The following LYN variants were observed in gnomAD, a reference collection of about 807,000 sequenced individuals.
LYN encodes the protein tyrosine-protein kinase Lyn.
A neutral mutation model predicts 65.0 loss-of-function variants in LYN; 12 were observed. That is an observed-to-expected ratio of 0.18 (90% CI 0.12 to 0.30). LYN has a LOEUF of 0.30. Ranked by LOEUF, LYN falls within the 10% of genes least tolerant of loss-of-function variation. The pLI, the probability that LYN is intolerant of heterozygous loss-of-function variation, is 1.00. For missense variants in LYN, 380 were observed against 623.2 expected, an observed-to-expected ratio of 0.61 and a Z score of 4.16; for synonymous variants, 222 against 221.2, an observed-to-expected ratio of 1.00 and a Z score of -0.03.
chr8:55,895,993 T>C (rs1030382799), intron 1 of LYN, among the ~76,000 whole-genome samples: 1 of 152,162 alleles, frequency 6.6e-6, no homozygotes, highest in Non-Finnish European at 1.5e-5. Context: ...TTGGTGTACA[T>C]ACCAGGTGCA....
chr8:55,925,663 C>T (rs767899958), intron 1 of LYN, among the ~76,000 whole-genome samples: 2 of 152,102 alleles, frequency 1.3e-5, no homozygotes, highest in African/African-American at 4.8e-5. Flanking sequence ...GCAGGCCGCC[C>T]GTGACACCAA....
At chr8:56,004,439 G>T (rs1391750126) in intron 12 of LYN, among the ~76,000 whole-genome samples, 1 of 151,362 alleles carries the variant, frequency 6.6e-6, no homozygotes, top group East Asian at 2.0e-4. Flanking sequence ...GACTACAGGT[G>T]TGCACCACAA....
chr8:56,001,213 G>A (rs561021992), intron 12 of LYN, among the ~76,000 whole-genome samples: 210 of 152,256 alleles, frequency 1.4e-3, no homozygotes, highest in Non-Finnish European at 2.7e-3. Flanking sequence ...AGCGTGGTTT[G>A]GGCCTCTGTG....
intron 8 of LYN, among the ~76,000 whole-genome samples, chr8:55,965,242 C>G (rs1807415007): frequency 6.6e-6 from 1 of 152,158 alleles, no homozygotes; most frequent in African/African-American, 2.4e-5. Context: ...GAGCGTGTTC[C>G]ATGCGGTGTA....
chr8:55,887,575 T>TGCAC (rs1554573194), intron 1 of LYN, among the ~76,000 whole-genome samples: 3 of 93,436 alleles, frequency 3.2e-5, no homozygotes, highest in Non-Finnish European at 6.3e-5. Context: ...TATATATATA[T>TGCAC]ACACACACAC....
intron 1 of LYN, among the ~76,000 whole-genome samples, chr8:55,937,986 C>G (rs1291072823): frequency 6.6e-6 from 1 of 152,144 alleles, no homozygotes; most frequent in Non-Finnish European, 1.5e-5. Context: ...TGTGAGCCAC[C>G]ACACCTGGCC....
chr8:55,911,090 T>G (rs56399348), intron 1 of LYN, among the ~76,000 whole-genome samples: 746 of 8,368 alleles, frequency 0.089, 7 homozygotes, highest in East Asian at 0.12. Context: ...TACATATATA[T>G]ATATATATAC....
At chr8:55,933,549 G>A (rs1322610021) in intron 1 of LYN, among the ~76,000 whole-genome samples, 1 of 152,202 alleles carries the variant, frequency 6.6e-6, no homozygotes, top group Non-Finnish European at 1.5e-5. Flanking sequence ...TCAAGTTAAA[G>A]ATTGTATCAC....
At chr8:55,938,892 G>C (rs368817685) in intron 1 of LYN, among the ~76,000 whole-genome samples, 2 of 152,146 alleles carry the variant, frequency 1.3e-5, no homozygotes, top group African/African-American at 4.8e-5. Flanking sequence ...TGCTGTGCGC[G>C]AGTCTTTTAA....
intron 10 of LYN, among the ~76,000 whole-genome samples, chr8:55,994,968 A>G (rs1563327655): frequency 6.6e-6 from 1 of 152,202 alleles, no homozygotes; most frequent in Admixed American, 6.5e-5. Flanking sequence ...TCTTTCACAC[A>G]TGCTCAGCCT....
In LYN at chr8:55,908,981, T is replaced by TTG. The variant is rs1423172159; in HGVS notation, c.-6+28882_-6+28883dup. ...TTTTTTGTGGCTGAATGGTATTCCA[T>TTG]TGTGTATGTATATATATATATATAT... On this transcript the variant is annotated intron_variant, in intron 1 of 12. Coordinates refer to ENST00000519728, the MANE Select transcript of LYN (RefSeq NM_002350.4). 4.3e-4 allele frequency among the ~76,000 whole-genome samples: 17 copies of TTG among 39,548 alleles called. 1 individual carries two copies. The highest frequency in any genetic ancestry group is 8.4e-4 in the Non-Finnish European group (17 of 20,122). The allele number at this position is 39,548 out of a possible 152,430, so 25.9% of individuals were successfully genotyped here. A position where few individuals can be genotyped will look rare whatever the true frequency, so the allele number is the denominator to read the frequency against.
chr8:55,963,009 C>T (rs533186255), intron 8 of LYN, among the ~76,000 whole-genome samples: 94 of 152,324 alleles, frequency 6.2e-4, no homozygotes, highest in African/African-American at 2.2e-3. Context: ...GGGGATGGCC[C>T]CAAGCCATTC....
chr8:55,972,035 G>A (rs950747969), intron 10 of LYN, among the ~76,000 whole-genome samples: 1 of 152,106 alleles, frequency 6.6e-6, no homozygotes, highest in African/African-American at 2.4e-5. Context: ...CGGCACCAGT[G>A]GTCTCCATCC....
Position 56,000,896 on chromosome 8 carries a change from C to T in LYN, c.1336+1347C>T, listed in dbSNP as rs554397963. Among the ~76,000 whole-genome samples, 56 of 152,258 alleles carry T rather than the reference C, an allele frequency of 3.7e-4. No homozygotes were observed. In the South Asian group the frequency reaches 0.011, roughly 30 times the overall value. On this transcript the variant is annotated intron_variant, in intron 12 of 12. Transcript: ENST00000519728. ...AAAATATTTGAGTATGCTAGGCACT[C>T]TCAGCTGCTAGGATGCCATGGTATC... is the stretch of plus-strand genomic sequence containing the variant.
At chr8:55,946,575 A>AT (rs1025837373) in intron 3 of LYN, 82 bp downstream of exon 3, 1,569 of 855,172 alleles carry the variant, frequency 1.8e-3, no homozygotes, top group Non-Finnish European at 2.2e-3. Flanking sequence ...AAATGTTTTT[A>AT]TTTTTTTTTA....
At chr8:55,966,937 A>G (rs149886577) in intron 9 of LYN, 40 bp downstream of exon 9, 19 of 1,580,520 alleles carry the variant, frequency 1.2e-5, no homozygotes, top group Middle Eastern at 1.8e-4. Context: ...AAGGGCTTCA[A>G]ACTCAAAAAG....
At chr8:55,979,200 G>A (rs1338974234) in intron 10 of LYN, among the ~76,000 whole-genome samples, 2 of 151,840 alleles carry the variant, frequency 1.3e-5, no homozygotes, top group Non-Finnish European at 2.9e-5. Context: ...GTGCCACCAC[G>A]CCCAGCTAAT....
rs1416807100 is a variant in LYN, at chr8:56,010,377, G to A, written c.*267G>A. The A allele has an allele frequency of 1.3e-5, 6 of 447,782 alleles. No homozygotes were observed. The East Asian group carries it at 1.5e-4, about 11-fold the overall frequency. 27.7% of individuals were successfully genotyped at this position (447,782 alleles called of 1,614,324 possible). On this transcript the variant is annotated 3_prime_UTR_variant, in exon 13 of 13. Coordinates refer to ENST00000519728, the MANE Select transcript of LYN (RefSeq NM_002350.4). The stretch of plus-strand genomic sequence containing the variant: ...TGCTTGACAACATCTGAGTGCAGCC[G>A]TTTGAGAAGAAAACATCTATTCTCT...
chr8:55,976,844 G>C (rs1807769195), intron 10 of LYN, among the ~76,000 whole-genome samples: 1 of 152,066 alleles, frequency 6.6e-6, no homozygotes, highest in African/African-American at 2.4e-5. Flanking sequence ...TGCAAGTGGG[G>C]GTATATGGAG....
Sources: allele counts gnomAD v4.1 joint callset (sites outside exome capture counted in the v4.1 genomes callset), GRCh38; gene constraint gnomAD v4.1.1; transcripts MANE v1.5; gene names NCBI Gene and HGNC (gene_info 2026-07-23, HGNC 2026-07-21).